Variants in DIRAS1 observed in about 807,000 individuals in gnomAD.
The protein encoded by DIRAS1 is GTP-binding protein Di-Ras1.
DIRAS1 carries 3 observed loss-of-function variants against 11.5 expected under a neutral mutation model. That is an observed-to-expected ratio of 0.26 (90% confidence interval 0.12 to 0.67). DIRAS1 has a LOEUF of 0.67. Ranked by LOEUF, DIRAS1 falls within the 30% of genes least tolerant of loss-of-function variation. The pLI, the probability that DIRAS1 is intolerant of heterozygous loss-of-function variation, is 0.80. For synonymous variants in DIRAS1, 128 were observed against 125.8 expected (o/e 1.02, Z -0.12); for missense variants, 212 against 285.3 (o/e 0.74, Z 1.85).
intron 1 of DIRAS1, among the ~76,000 whole-genome samples, chr19:2,720,742 C>CT (rs1913933750): frequency 6.6e-6 from 1 of 152,104 alleles, no homozygotes; most frequent in Admixed American, 6.5e-5. Flanking sequence ...GGGGGTCACG[C>CT]CTGACCAAGG....
chr19:2,721,040 C>T (rs1368214607), intron 1 of DIRAS1, among the ~76,000 whole-genome samples: 46 of 19,902 alleles, frequency 2.3e-3, no homozygotes, highest in African/African-American at 8.6e-3. Flanking sequence ...GGGTGGGCCT[C>T]GGTGGGGCGG....
At chr19:2,720,419 T>G (rs1913926474) in intron 1 of DIRAS1, among the ~76,000 whole-genome samples, 1 of 152,044 alleles carries the variant, frequency 6.6e-6, no homozygotes, top group Non-Finnish European at 1.5e-5. Context: ...CTCCACCGCC[T>G]GGGGGGTGCG....
chr19:2,717,541 G>A lies in DIRAS1; in HGVS notation c.266C>T (p.Thr89Ile). The change falls in exon 2 of 2, where the codon ACC (threonine) becomes ATC (isoleucine). Residue 89 changes from threonine (T) to isoleucine (I), a missense_variant. By Grantham distance (89) the Thr-to-Ile change is moderately conservative. Coordinates refer to ENST00000323469, the MANE Select transcript of DIRAS1 (RefSeq NM_145173.4). ...GHAFILVFSV[T>I]SKQSLEELGP... is the part of the protein sequence containing the mutation. ...CAGCTCCTCCAGCGACTGCTTGCTG[G>A]TGACGGAGAACACCAGGATGAAGGC... The A allele has an allele frequency of 1.2e-6, 2 of 1,613,276 alleles. No individual in the cohort carries two copies. Among genetic ancestry groups the A allele is most frequent in the Non-Finnish European group, 1.7e-6 (2 of 1,179,908 alleles).
chr19:2,721,340 C>A lies in DIRAS1; in HGVS notation c.-106G>T. 6.8e-6 allele frequency: 1 copy of A among 146,888 alleles called. No homozygotes were observed. The highest frequency in any genetic ancestry group is 1.5e-5 in the Non-Finnish European group (1 of 65,808). 9.1% of individuals were successfully genotyped at this position (146,888 alleles called of 1,614,324 possible). ...GGTCCCTGCGGCGCCGCGGCCGCTG[C>A]TCCTGCCCGCTCCGGTGTCCGCTGG... On this transcript the variant is annotated 5_prime_UTR_variant, in exon 1 of 2. Coordinates refer to ENST00000323469, the MANE Select transcript of DIRAS1 (RefSeq NM_145173.4).
At chr19:2,720,122 G>A (rs1433015864) in intron 1 of DIRAS1, among the ~76,000 whole-genome samples, 1 of 152,052 alleles carries the variant, frequency 6.6e-6, no homozygotes, top group African/African-American at 2.4e-5. Flanking sequence ...TTCGGAGGAG[G>A]CTGGGGGTGC....
intron 1 of DIRAS1, among the ~76,000 whole-genome samples, chr19:2,720,821 G>T (rs1469610504): frequency 2.0e-5 from 3 of 152,062 alleles, no homozygotes; most frequent in Non-Finnish European, 4.4e-5. Flanking sequence ...GCCTGCTCTA[G>T]GGGGCCCGAG....
chr19:2,719,448 GC>G (rs1223391290), intron 1 of DIRAS1, among the ~76,000 whole-genome samples: 1 of 148,578 alleles, frequency 6.7e-6, no homozygotes, highest in Non-Finnish European at 1.5e-5. Flanking sequence ...AGGTCCAGCA[GC>G]CTGAGGAGGT....
Position 2,717,251 on chromosome 19 carries a change from T to C in DIRAS1, c.556A>G (p.Lys186Glu), listed in dbSNP as rs1332720767. 6.2e-7 allele frequency: 1 copy of C among 1,609,538 alleles called. No homozygotes were observed. Among genetic ancestry groups the C allele is most frequent in the African/African-American group, 1.3e-5 (1 of 74,852 alleles). Residue 186 changes from lysine to glutamate, a missense_variant, in exon 2 of 2, where the codon AAG becomes GAG. By Grantham distance (56) the Lys-to-Glu change is moderately conservative (BLOSUM62 1). Transcript: ENST00000323469. Reference protein sequence around the residue: ...NIDGKRSGKQKRTDRVKGKCT... With the variant: ...NIDGKRSGKQERTDRVKGKCT... ...TTGCCCTTGACGCGGTCTGTCCTCT[T>C]CTGCTTCCCGGAGCGCTTGCCGTCG...
Position 2,717,062 on chromosome 19 carries a change from G to T in DIRAS1, c.*148C>A. The T allele has an allele frequency of 1.3e-6, 1 of 798,298 alleles. No individual in the cohort carries two copies. The highest frequency in any genetic ancestry group is 1.9e-6 in the Non-Finnish European group (1 of 527,078). The allele number at this position is 798,298 out of a possible 1,614,324, so 49.5% of individuals were successfully genotyped here. On this transcript the variant is annotated 3_prime_UTR_variant, in exon 2 of 2. Coordinates refer to ENST00000323469, the MANE Select transcript of DIRAS1 (RefSeq NM_145173.4). ...CCCTGCCTCGGGGTGGGCAGGGGCA[G>T]CGGAGGGGGGGGCGGTGGCCTCGGT...
chr19:2,718,538 A>G lies in DIRAS1; in HGVS notation c.-69-663T>C, dbSNP rs933975255. On this transcript the variant is annotated intron_variant, in intron 1 of 1. Transcript: ENST00000323469. This position sits in a 1 kb window ranked among gnomAD's most constrained non-coding sequence, Gnocchi z 4.2. ...TTTTATTCTTCTTATTTATTTATTTATTTTTAGACAGAGTTTCGCTCTTGC... is the reference window on the plus strand; with the variant it reads ...TTTTATTCTTCTTATTTATTTATTTGTTTTTAGACAGAGTTTCGCTCTTGC... Among the ~76,000 whole-genome samples the G allele has an allele frequency of 3.9e-5, 6 of 152,012 alleles. No homozygotes were observed. The highest frequency in any genetic ancestry group is 1.4e-4 in the African/African-American group (6 of 41,382).
rs561321212 is a variant in DIRAS1, at chr19:2,718,804, C to T, written c.-69-929G>A. Among the ~76,000 whole-genome samples, 6 of 150,890 alleles carry T rather than the reference C, an allele frequency of 4.0e-5. No homozygotes were observed. The highest frequency in any genetic ancestry group is 2.1e-4 in the South Asian group (1 of 4,768). ...CCTCCCAAAGTGCTGGGGTTACAGG[C>T]GTGAGCCACTGCACCTGGCCTTCTT... On this transcript the variant is annotated intron_variant, in intron 1 of 1. Coordinates refer to ENST00000323469, the MANE Select transcript of DIRAS1 (RefSeq NM_145173.4). The surrounding 1 kb of genome is among the most constrained non-coding windows in gnomAD (Gnocchi z 4.2).
chr19:2,717,878 G>C lies in DIRAS1; in HGVS notation c.-69-3C>G. 6.9e-7 allele frequency: 1 copy of C among 1,458,538 alleles called. No individual in the cohort carries two copies. Among genetic ancestry groups the C allele is most frequent in the East Asian group, 2.4e-5 (1 of 40,844 alleles). The allele number at this position is 1,458,538 out of a possible 1,614,324, so 90.3% of individuals were successfully genotyped here. On this transcript the variant is annotated splice_region_variant and splice_polypyrimidine_tract_variant and intron_variant, in intron 1 of 1. Transcript: ENST00000323469. ...GCTGCAAGAACCCCAGACCGAGCCT[G>C]TGCAGAGAGGAGGGTCACACGTCAA...
At position 2,717,111 on chromosome 19, in the gene DIRAS1, A is replaced by C; in HGVS notation, c.*99T>G. ...GTTTCCCCAGCCGAGGTGTCGGAGG[A>C]AGGATGAGAGAAGAGGAGGAGGCCG... On this transcript the variant is annotated 3_prime_UTR_variant, in exon 2 of 2. Coordinates refer to ENST00000323469, the MANE Select transcript of DIRAS1 (RefSeq NM_145173.4). 2.4e-6 allele frequency: 3 copies of C among 1,257,564 alleles called. No homozygotes were observed. Among genetic ancestry groups the C allele is most frequent in the African/African-American group, 1.6e-5 (1 of 61,540 alleles). 77.9% of individuals were successfully genotyped at this position (1,257,564 alleles called of 1,614,324 possible). A position where few individuals can be genotyped will look rare whatever the true frequency, so the allele number is the denominator to read the frequency against.
rs180729690 is a variant in DIRAS1 at position 2,718,381 on chromosome 19, G to A, written c.-69-506C>T. 8.5e-5 allele frequency among the ~76,000 whole-genome samples: 13 copies of A among 152,272 alleles called. No homozygotes were observed. In the East Asian group the frequency reaches 9.7e-4, roughly 11 times the overall value. ...ACAACCATGGGTCCCCTGCTCTTCC[G>A]CCAACCCAGAGATGGCCAATCCTCA... On this transcript the variant is annotated intron_variant, in intron 1 of 1. Transcript: ENST00000323469. The surrounding 1 kb of genome is among the most constrained non-coding windows in gnomAD (Gnocchi z 4.2).
intron 1 of DIRAS1, among the ~76,000 whole-genome samples, chr19:2,720,278 C>G (rs1047093502): frequency 2.6e-5 from 4 of 152,208 alleles, no homozygotes; most frequent in African/African-American, 4.8e-5. Context: ...GACCCAGATC[C>G]AGCCTTTGCC....
chr19:2,717,882 A>G lies in DIRAS1; in HGVS notation c.-69-7T>C, dbSNP rs7343093. 0.63 allele frequency: 906,485 copies of G among 1,446,188 alleles called. 286,817 individuals are homozygous for G. Among genetic ancestry groups the G allele is most frequent in the African/African-American group, 0.86 (61,770 of 71,586 alleles). 89.6% of individuals were successfully genotyped at this position (1,446,188 alleles called of 1,614,324 possible). ...CAAGAACCCCAGACCGAGCCTGTGC[A>G]GAGAGGAGGGTCACACGTCAAAGGC... is the stretch of plus-strand genomic sequence containing the variant. On this transcript the variant is annotated splice_region_variant and splice_polypyrimidine_tract_variant and intron_variant, in intron 1 of 1. Transcript: ENST00000323469.
chr19:2,717,063 C>CG lies in DIRAS1; in HGVS notation c.*146dup, dbSNP rs1913823900. On this transcript the variant is annotated 3_prime_UTR_variant, in exon 2 of 2. Transcript: ENST00000323469. ...CCTGCCTCGGGGTGGGCAGGGGCAGCGGAGGGGGGGGCGGTGGCCTCGGTT... is the reference window on the plus strand; with the variant it reads ...CCTGCCTCGGGGTGGGCAGGGGCAGCGGGAGGGGGGGGCGGTGGCCTCGGTT... 1 of 783,616 alleles carries CG rather than the reference C, an allele frequency of 1.3e-6. No individual in the cohort carries two copies. Among genetic ancestry groups the CG allele is most frequent in the Non-Finnish European group, 1.9e-6 (1 of 526,388 alleles). The allele number at this position is 783,616 out of a possible 1,614,324, so 48.5% of individuals were successfully genotyped here. A position where few individuals can be genotyped will look rare whatever the true frequency, so the allele number is the denominator to read the frequency against.
chr19:2,721,062 G>A (rs1409901390), intron 1 of DIRAS1, among the ~76,000 whole-genome samples: 2 of 149,900 alleles, frequency 1.3e-5, no homozygotes, highest in Admixed American at 1.3e-4. Context: ...CTCGGCAGGG[G>A]GGCGCCCTCC....
rs548363524 is a variant in DIRAS1, at chr19:2,717,854, C to A, written c.-48G>T. On this transcript the variant is annotated 5_prime_UTR_variant, in exon 2 of 2. Coordinates refer to ENST00000323469, the MANE Select transcript of DIRAS1 (RefSeq NM_145173.4). The stretch of plus-strand genomic sequence containing the variant: ...CCGGGGCCGGGAGGGCTGGTGCCAG[C>A]TGCAAGAACCCCAGACCGAGCCTGT... 1.6e-5 allele frequency: 25 copies of A among 1,524,036 alleles called. 2 individuals are homozygous for A. The highest frequency in any genetic ancestry group is 1.4e-4 in the East Asian group (6 of 42,370). The allele number at this position is 1,524,036 out of a possible 1,614,324, so 94.4% of individuals were successfully genotyped here. A position where few individuals can be genotyped will look rare whatever the true frequency, so the allele number is the denominator to read the frequency against.
Sources: gnomAD v4.1 joint callset for allele counts (sites outside exome capture counted in the v4.1 genomes callset) on GRCh38, gnomAD v4.1.1 for gene constraint, Gnocchi (gnomAD v3.1) non-coding constraint, MANE v1.5 for transcripts, NCBI Gene and HGNC (gene_info 2026-07-23, HGNC 2026-07-21) for gene names.